The following OLFML2A variants were observed in gnomAD, a reference collection of about 807,000 sequenced individuals.
OLFML2A encodes the protein olfactomedin like 2A, also known as olfactomedin-like protein 2A.
Under a neutral mutation model 60.9 loss-of-function variants are expected in OLFML2A, and 47 were observed. The observed-to-expected ratio is 0.77, with a 90% CI of 0.61 to 0.98. OLFML2A has a LOEUF of 0.98. Among genes scored for constraint, OLFML2A ranks in the 50% least tolerant of loss-of-function variants. The pLI, the probability that OLFML2A is intolerant of heterozygous loss-of-function variation, is 0.00. For synonymous variants in OLFML2A, 372 were observed against 375.0 expected (o/e 0.99, Z 0.09); for missense variants, 922 against 879.8 (o/e 1.05, Z -0.61).
chr9:124,778,894 G>T lies in OLFML2A; in HGVS notation c.90+1534G>T, dbSNP rs576959655. 5 of 955,254 alleles carry T rather than the reference G, an allele frequency of 5.2e-6. No individual in the cohort carries two copies. In the South Asian group the frequency reaches 2.4e-4, roughly 46 times the overall value. The allele number at this position is 955,254 out of a possible 1,614,324, so 59.2% of individuals were successfully genotyped here. ...GGTCACAGAGCGTGAGGGCAAAAAA[G>T]TGACTTCCAATACCTCTCCAGCCTC... On this transcript the variant is annotated intron_variant, in intron 1 of 7. Coordinates refer to ENST00000373580, the MANE Select transcript of OLFML2A (RefSeq NM_182487.4).
intron 1 of OLFML2A, among the ~76,000 whole-genome samples, chr9:124,782,635 T>C (rs1841382288): frequency 6.6e-6 from 1 of 152,050 alleles, no homozygotes; most frequent in Admixed American, 6.5e-5. Flanking sequence ...CAGCCAAGCA[T>C]AGGATGTAGC....
rs533587628 is a variant in OLFML2A, at chr9:124,799,336, C to T, written c.514C>T (p.Arg172Cys). 6.3e-5 allele frequency: 102 copies of T among 1,613,528 alleles called. No individual in the cohort carries two copies. Among genetic ancestry groups the T allele is most frequent in the East Asian group, 5.8e-4 (26 of 44,872 alleles). ...RENEVVKDSV[R>C]HLSEQLRHYE... is the part of the protein sequence containing the mutation. ...GAATGAGGTGGTGAAGGACAGCGTG[C>T]GCCACCTCAGTGAGCAGTTGAGGCA... is the stretch of plus-strand genomic sequence containing the variant. The change falls in exon 4 of 8, where the codon CGC becomes TGC. Residue 172 changes from arginine to cysteine, a missense_variant. By Grantham distance (180) the Arg-to-Cys change is radical (BLOSUM62 -3). Transcript: ENST00000373580.
chr9:124,778,633 A>T (rs993346495), intron 1 of OLFML2A, among the ~76,000 whole-genome samples: 21 of 151,938 alleles, frequency 1.4e-4, no homozygotes, highest in Non-Finnish European at 2.6e-4. Flanking sequence ...TAAAAAAAAA[A>T]AAAATTAAAT....
chr9:124,808,462 A>G (rs1841945584), intron 7 of OLFML2A, among the ~76,000 whole-genome samples: 1 of 152,132 alleles, frequency 6.6e-6, no homozygotes, highest in South Asian at 2.1e-4. Flanking sequence ...TCTGCTTATC[A>G]AACCTGGGGA....
intron 4 of OLFML2A, chr9:124,801,030 G>C (rs193170744): frequency 6.4e-7 from 1 of 1,551,548 alleles, no homozygotes; most frequent in Non-Finnish European, 8.7e-7. Flanking sequence ...CCTCTCCCCT[G>C]CCCACGTACT....
rs10120851 is a variant in OLFML2A at position 124,779,559 on chromosome 9, G to A, written c.90+2199G>A. Among the ~76,000 whole-genome samples the A allele has an allele frequency of 0.058, 8,040 of 137,834 alleles. 520 individuals carry two copies. Among genetic ancestry groups the A allele is most frequent in the African/African-American group, 0.16 (5,947 of 36,840 alleles). 90.4% of individuals were successfully genotyped at this position (137,834 alleles called of 152,430 possible). On this transcript the variant is annotated intron_variant, in intron 1 of 7. Coordinates refer to ENST00000373580, the MANE Select transcript of OLFML2A (RefSeq NM_182487.4). The surrounding 1 kb of genome is among the most constrained non-coding windows in gnomAD (Gnocchi z 4.1). ...TGTGTGTGTGTGGTGGGGGGGGGGT[G>A]TTTAGCTGTCCCAGGACAAGCTGGG...
intron 4 of OLFML2A, chr9:124,800,706 T>C: frequency 5.1e-6 from 2 of 395,326 alleles, no homozygotes; most frequent in Admixed American, 6.4e-5. Flanking sequence ...GAATGAAGCG[T>C]GTTTTGGCAA....
rs1240962841 is a variant in OLFML2A, at chr9:124,807,916, A to G, written c.1304A>G (p.Tyr435Cys). The change falls in exon 7 of 8, where the codon TAC becomes TGC. Residue 435 changes from tyrosine (Y) to cysteine (C), a missense_variant. Transcript: ENST00000373580. ...GACAGGATCTATGTCACCAACTACT[A>G]CTATGGAAACAGCCTGGTGGAGTTC... ...RDDRIYVTNY[Y>C]YGNSLVEFRN... 1.9e-6 allele frequency: 3 copies of G among 1,614,098 alleles called. No homozygotes were observed. The highest frequency in any genetic ancestry group is 2.5e-6 in the Non-Finnish European group (3 of 1,179,968).
intron 5 of OLFML2A, among the ~76,000 whole-genome samples, chr9:124,802,767 A>C (rs1841805403): frequency 6.6e-6 from 1 of 152,258 alleles, no homozygotes; most frequent in Non-Finnish European, 1.5e-5. Flanking sequence ...GCAAAGAGGA[A>C]GCCCAAAATG....
intron 4 of OLFML2A, 38 bp downstream of exon 4, chr9:124,799,529 T>C (rs573136069): frequency 1.8e-5 from 27 of 1,503,728 alleles, no homozygotes; most frequent in Non-Finnish European, 2.4e-5. Flanking sequence ...CGGAGCTGGC[T>C]GAACTTGGGA....
chr9:124,806,992 C>A (rs188613434), intron 6 of OLFML2A, among the ~76,000 whole-genome samples: 75 of 151,976 alleles, frequency 4.9e-4, no homozygotes, highest in African/African-American at 1.5e-3. Context: ...CAGCTCACTG[C>A]AGCCTCAATA....
intron 2 of OLFML2A, among the ~76,000 whole-genome samples, chr9:124,790,405 C>A (rs868558770): frequency 1.3e-5 from 2 of 152,024 alleles, no homozygotes; most frequent in African/African-American, 2.4e-5. Context: ...AAACTCCTGA[C>A]CTCAAGTGAT....
intron 3 of OLFML2A, among the ~76,000 whole-genome samples, chr9:124,798,036 A>G (rs1841699540): frequency 6.6e-6 from 1 of 152,230 alleles, no homozygotes; most frequent in African/African-American, 2.4e-5. Context: ...GGCACGGCCC[A>G]GGAGAGAAGC....
intron 4 of OLFML2A, chr9:124,801,205 G>T: frequency 1.1e-6 from 1 of 900,608 alleles, no homozygotes; most frequent in South Asian, 1.8e-5. Context: ...CTGCAAGGGA[G>T]CTAAAGAGCT....
At chr9:124,803,157 C>G (rs1186000183) in intron 5 of OLFML2A, among the ~76,000 whole-genome samples, 1 of 152,180 alleles carries the variant, frequency 6.6e-6, no homozygotes, top group Non-Finnish European at 1.5e-5. Flanking sequence ...GATCCATCCA[C>G]TTTGGCCTCC....
chr9:124,799,122 C>T (rs949160524), intron 3 of OLFML2A, among the ~76,000 whole-genome samples, 163 bp from the exon 4 acceptor site: 2 of 152,102 alleles, frequency 1.3e-5, no homozygotes, highest in African/African-American at 4.8e-5. Context: ...AACACAGGGT[C>T]TCTTGGAGCC....
At chr9:124,783,179 A>G (rs980078577) in intron 1 of OLFML2A, among the ~76,000 whole-genome samples, 7 of 151,956 alleles carry the variant, frequency 4.6e-5, no homozygotes, top group African/African-American at 1.7e-4. Context: ...AGGCTGCAGA[A>G]AAAGCAGTGG....
intron 1 of OLFML2A, among the ~76,000 whole-genome samples, chr9:124,786,308 A>T (rs570911879): frequency 6.6e-6 from 1 of 152,292 alleles, no homozygotes; most frequent in Admixed American, 6.5e-5. Context: ...CTGTAGTCCC[A>T]GCTACTAGGG....
intron 6 of OLFML2A, among the ~76,000 whole-genome samples, chr9:124,807,327 C>T (rs982106539): frequency 2.4e-4 from 35 of 144,168 alleles, no homozygotes; most frequent in African/African-American, 7.8e-4. Flanking sequence ...TCACTCTTGT[C>T]GCCCAGAGTG....
Sources: allele counts gnomAD v4.1 joint callset (sites outside exome capture counted in the v4.1 genomes callset), GRCh38; gene constraint gnomAD v4.1.1; non-coding constraint Gnocchi (gnomAD v3.1); transcripts MANE v1.5; gene names NCBI Gene and HGNC (gene_info 2026-07-23, HGNC 2026-07-21).